DYNC2H1: variants seen among roughly 807,000 people sequenced by gnomAD.
DYNC2H1 encodes cytoplasmic dynein 2 heavy chain 1.
Under a neutral mutation model 570.0 loss-of-function variants are expected in DYNC2H1, and 410 were observed. The observed-to-expected ratio is 0.72, with a 90% CI of 0.66 to 0.78. The LOEUF (loss-of-function observed/expected upper bound fraction) is 0.78. Among genes scored for constraint, DYNC2H1 ranks in the 30% least tolerant of loss-of-function variants. The pLI, the probability that DYNC2H1 is intolerant of heterozygous loss-of-function variation, is 0.00. For missense variants in DYNC2H1, 4,865 were observed against 5,046.4 expected, an observed-to-expected ratio of 0.96 and a Z score of 1.09; for synonymous variants, 1,688 against 1,677.6, an observed-to-expected ratio of 1.01 and a Z score of -0.15.
intron 85 of DYNC2H1, among the ~76,000 whole-genome samples, chr11:103,442,726 G>T (rs538473457): frequency 2.0e-5 from 3 of 152,126 alleles, no homozygotes; most frequent in Admixed American, 2.0e-4. Flanking sequence ...ATTTCTATCT[G>T]CATTGCACCT....
chr11:103,315,890 A>G lies in DYNC2H1; in HGVS notation c.11650-655A>G, dbSNP rs559048495. Among the ~76,000 whole-genome samples the G allele has an allele frequency of 5.8e-4, 87 of 150,752 alleles. 1 individual carries two copies. The highest frequency in any genetic ancestry group is 1.2e-3 in the Non-Finnish European group (81 of 67,652). The stretch of plus-strand genomic sequence containing the variant: ...AAAAATATTTTTTGAGTGTTGAATG[A>G]ATGAATGAAATTTGTATCAGTATTC... On this transcript the variant is annotated intron_variant, in intron 79 of 88. Transcript: ENST00000375735.
At chr11:103,158,223 G>A (rs1416286188) in intron 26 of DYNC2H1, among the ~76,000 whole-genome samples, 19 of 152,262 alleles carry the variant, frequency 1.2e-4, no homozygotes, top group African/African-American at 2.9e-4. Context: ...CGAGGCGGGC[G>A]GATCACGAGG....
In DYNC2H1 at chr11:103,309,168, A is replaced by ATTTTTTTTTTTTTTTTTTTTT. The variant is rs386374721; in HGVS notation, c.11493+1341_11493+1361dup. On this transcript the variant is annotated intron_variant, in intron 78 of 88. Coordinates refer to ENST00000375735, the MANE Select transcript of DYNC2H1 (RefSeq NM_001377.3). Reference sequence around the variant, plus strand: ...TTATTAGTGTTTGTAACTGCATGCTATTTTTTTTTTTTTTTTTTTTTTTTG... The same window carrying ATTTTTTTTTTTTTTTTTTTTT: ...TTATTAGTGTTTGTAACTGCATGCTATTTTTTTTTTTTTTTTTTTTTTTTTTTTTTTTTTTTTTTTTTTTTG... 3.5e-3 allele frequency among the ~76,000 whole-genome samples: 193 copies of ATTTTTTTTTTTTTTTTTTTTT among 54,638 alleles called. 34 individuals carry two copies. Among genetic ancestry groups the ATTTTTTTTTTTTTTTTTTTTT allele is most frequent in the Non-Finnish European group, 4.3e-3 (126 of 29,368 alleles). 35.8% of individuals were successfully genotyped at this position (54,638 alleles called of 152,430 possible).
chr11:103,278,595 A>C (rs1050208576), intron 70 of DYNC2H1, among the ~76,000 whole-genome samples: 4 of 151,642 alleles, frequency 2.6e-5, no homozygotes, highest in Non-Finnish European at 5.9e-5. Flanking sequence ...ACGGAGTTTC[A>C]CTCTTGCTGC....
chr11:103,248,810 C>T (rs183358432), intron 65 of DYNC2H1, among the ~76,000 whole-genome samples: 2 of 152,142 alleles, frequency 1.3e-5, no homozygotes, highest in Non-Finnish European at 2.9e-5. Context: ...CCAAAGATAT[C>T]ACAGTGAGTG....
intron 39 of DYNC2H1, among the ~76,000 whole-genome samples, chr11:103,180,291 G>C (rs149120096): frequency 6.6e-6 from 1 of 151,684 alleles, no homozygotes; most frequent in East Asian, 1.9e-4. Flanking sequence ...CACCTGAGGA[G>C]AGAGAGAGCT....
At chr11:103,450,263 G>A (rs974933199) in intron 85 of DYNC2H1, among the ~76,000 whole-genome samples, 2 of 152,192 alleles carry the variant, frequency 1.3e-5, no homozygotes, top group African/African-American at 2.4e-5. Context: ...TAAAGTTGGA[G>A]ATTTCAACAT....
intron 40 of DYNC2H1, among the ~76,000 whole-genome samples, chr11:103,183,066 G>T (rs1861919368): frequency 6.6e-6 from 1 of 151,812 alleles, no homozygotes; most frequent in Admixed American, 6.6e-5. Flanking sequence ...TGTTATAATT[G>T]TCTGTTTACA....
rs935808188 is a variant in DYNC2H1, at chr11:103,439,602, A to G, written c.12456+3570A>G. ...AGTCTACTTTGTGGCAAAAGGTTTA[A>G]GACTCCTCTGAATACTCTTAATTTA... On this transcript the variant is annotated intron_variant, in intron 85 of 88. Transcript: ENST00000375735. This position sits in a 1 kb window ranked among gnomAD's most constrained non-coding sequence, Gnocchi z 4.1. Among the ~76,000 whole-genome samples, 22 of 152,084 alleles carry G rather than the reference A, an allele frequency of 1.4e-4. No individual in the cohort carries two copies. Among genetic ancestry groups the G allele is most frequent in the African/African-American group, 5.3e-4 (22 of 41,412 alleles).
chr11:103,476,592 T>C (rs755283719), intron 88 of DYNC2H1, among the ~76,000 whole-genome samples: 1 of 152,164 alleles, frequency 6.6e-6, no homozygotes, highest in Non-Finnish European at 1.5e-5. Context: ...TTTTTATCTA[T>C]TTGGGAATCA....
chr11:103,278,099 G>A (rs1865981830), intron 70 of DYNC2H1, among the ~76,000 whole-genome samples: 1 of 151,976 alleles, frequency 6.6e-6, no homozygotes, highest in South Asian at 2.1e-4. Flanking sequence ...TCTGATGCTT[G>A]AGGACCTTTT....
intron 82 of DYNC2H1, among the ~76,000 whole-genome samples, chr11:103,357,906 C>A (rs751735069): frequency 1.1e-4 from 17 of 152,218 alleles, no homozygotes; most frequent in Admixed American, 2.6e-4. Context: ...GCTATCATTG[C>A]GCTATTGCAC....
At chr11:103,316,672 G>T in intron 80 of DYNC2H1, 52 bp downstream of exon 80, 9 of 1,314,518 alleles carry the variant, frequency 6.8e-6, no homozygotes, top group Admixed American at 3.1e-5. Flanking sequence ...TTTTATCTGA[G>T]GTCTTATTAA....
At position 103,455,216 on chromosome 11, in the gene DYNC2H1, C is replaced by T. The variant is rs748000973; in HGVS notation, c.12487C>T (p.Leu4163Phe). Residue 4163 changes from leucine to phenylalanine, a missense_variant, in exon 86 of 89, where the codon CTT becomes TTT. Leu to Phe is a conservative substitution (Grantham distance 22, BLOSUM62 0). Coordinates refer to ENST00000375735, the MANE Select transcript of DYNC2H1 (RefSeq NM_001377.3). ...NWVDKAEKQA[L>F]LSETLDLSEL... ...GGTAGATAAAGCTGAAAAACAGGCT[C>T]TTCTCTCTGAAACACTTGACCTATC... 1.9e-6 allele frequency: 3 copies of T among 1,613,270 alleles called. No individual in the cohort carries two copies. Among genetic ancestry groups the T allele is most frequent in the Non-Finnish European group, 2.5e-6 (3 of 1,179,474 alleles).
chr11:103,446,939 T>A lies in DYNC2H1; in HGVS notation c.12457-8247T>A, dbSNP rs1944441780. Among the ~76,000 whole-genome samples, 1 of 152,132 alleles carries A rather than the reference T, an allele frequency of 6.6e-6. No individual in the cohort carries two copies. Among genetic ancestry groups the A allele is most frequent in the Non-Finnish European group, 1.5e-5 (1 of 67,984 alleles). ...ATTATAAATTCCTGTTTTGCCACAC[T>A]AAAAATTAAATACTGTGCCAAAAAG... On this transcript the variant is annotated intron_variant, in intron 85 of 88. Coordinates refer to ENST00000375735, the MANE Select transcript of DYNC2H1 (RefSeq NM_001377.3). This position sits in a 1 kb window ranked among gnomAD's most constrained non-coding sequence, Gnocchi z 4.5.
intron 70 of DYNC2H1, among the ~76,000 whole-genome samples, chr11:103,266,721 G>T (rs1420633034): frequency 6.6e-6 from 1 of 152,154 alleles, no homozygotes; most frequent in African/African-American, 2.4e-5. Flanking sequence ...CACAGCTATG[G>T]AGACAGCTCT....
At position 103,198,072 on chromosome 11, in the gene DYNC2H1, T is replaced by C. The variant is rs1862572213; in HGVS notation, c.7839+9T>C. On this transcript the variant is annotated intron_variant, in intron 48 of 88. Coordinates refer to ENST00000375735, the MANE Select transcript of DYNC2H1 (RefSeq NM_001377.3). ...AGGATGTTATTAAAAAGGTATAATA[T>C]GAATCATTAATTGGAACTGGGATTT... The C allele has an allele frequency of 6.5e-7, 1 of 1,549,986 alleles. No individual in the cohort carries two copies. The highest frequency in any genetic ancestry group is 2.0e-5 in the Admixed American group (1 of 50,860).
rs1301612911 is a variant in DYNC2H1, at chr11:103,479,366, T to A, written c.*113T>A. 2.4e-6 allele frequency: 3 copies of A among 1,251,454 alleles called. No individual in the cohort carries two copies. The East Asian group carries it at 7.7e-5, about 32-fold the overall frequency. The allele number at this position is 1,251,454 out of a possible 1,614,324, so 77.5% of individuals were successfully genotyped here. A position where few individuals can be genotyped will look rare whatever the true frequency, so the allele number is the denominator to read the frequency against. On this transcript the variant is annotated 3_prime_UTR_variant, in exon 89 of 89. Transcript: ENST00000375735. ...AATGTTAGTTCAAAATATTAACATA[T>A]AGTTATGTTGTTGATGTCACTGAAA... is the stretch of plus-strand genomic sequence containing the variant.
At position 103,259,931 on chromosome 11, in the gene DYNC2H1, C is replaced by G; in HGVS notation, c.10649C>G (p.Ser3550Ter). The change falls in exon 70 of 89, where the codon TCA becomes TGA. Residue 3550 changes from serine to a stop codon, truncating the protein, a stop_gained. Transcript: ENST00000375735. LOFTEE classifies it high-confidence loss of function. The stretch of plus-strand genomic sequence containing the variant: ...CAGAGAATCCAGTCACTTATCAGCT[C>G]ATTACAACATATGGTATATGAATAT... ...TEQRIQSLIS[S>*]LQHMVYEYIC... 6.5e-7 allele frequency: 1 copy of G among 1,544,190 alleles called. No homozygotes were observed. The highest frequency in any genetic ancestry group is 2.4e-5 in the East Asian group (1 of 40,954).
Sources: gnomAD v4.1 joint callset for allele counts (sites outside exome capture counted in the v4.1 genomes callset) on GRCh38, gnomAD v4.1.1 for gene constraint, Gnocchi (gnomAD v3.1) non-coding constraint, MANE v1.5 for transcripts, NCBI Gene and HGNC (gene_info 2026-07-23, HGNC 2026-07-21) for gene names.